The following PTPRK variants were observed in gnomAD, a reference collection of about 807,000 sequenced individuals.
PTPRK encodes protein tyrosine phosphatase receptor type K.
Under a neutral mutation model 178.0 loss-of-function variants are expected in PTPRK, and 75 were observed. The observed-to-expected ratio is 0.42, with a 90% CI of 0.35 to 0.51. PTPRK has a LOEUF of 0.51. PTPRK is among the 20% of genes least tolerant of loss of function. The pLI, the probability that PTPRK is intolerant of heterozygous loss-of-function variation, is 0.02. For missense variants in PTPRK, 1,441 were observed against 1,797.8 expected, an observed-to-expected ratio of 0.80 and a Z score of 3.59; for synonymous variants, 637 against 620.6, an observed-to-expected ratio of 1.03 and a Z score of -0.39.
chr6:128,071,928 A>G (rs909710818), intron 11 of PTPRK, among the ~76,000 whole-genome samples: 1 of 152,066 alleles, frequency 6.6e-6, no homozygotes, highest in Non-Finnish European at 1.5e-5. Flanking sequence ...AATTAATTAA[A>G]AGATGAAATA....
chr6:127,973,292 T>A, intron 28 of PTPRK, 135 bp from the exon 29 acceptor site: 1 of 1,419,344 alleles, frequency 7.0e-7, no homozygotes, highest in East Asian at 2.3e-5. Context: ...TTGCTTTATA[T>A]GTGTACAAGG....
chr6:128,292,040 T>C (rs1462256272), intron 3 of PTPRK, among the ~76,000 whole-genome samples: 1 of 152,046 alleles, frequency 6.6e-6, no homozygotes, highest in Non-Finnish European at 1.5e-5. Flanking sequence ...AAGATAAATA[T>C]GGCATTCTTT....
chr6:128,432,954 T>C (rs1845029241), intron 1 of PTPRK, among the ~76,000 whole-genome samples: 1 of 152,224 alleles, frequency 6.6e-6, no homozygotes, highest in Admixed American at 6.5e-5. Flanking sequence ...TATTTTATCC[T>C]TTATTCTTTA....
At chr6:128,025,614 C>T (rs1457866780) in intron 13 of PTPRK, among the ~76,000 whole-genome samples, 4 of 152,212 alleles carry the variant, frequency 2.6e-5, no homozygotes, top group African/African-American at 7.2e-5. Context: ...TATTCTCTTA[C>T]AGTTCTGGGA....
chr6:128,085,684 T>A (rs376040237), intron 8 of PTPRK, among the ~76,000 whole-genome samples: 1 of 152,236 alleles, frequency 6.6e-6, no homozygotes, highest in East Asian at 1.9e-4. Flanking sequence ...AATTGGGAAG[T>A]ACCTTCCCTA....
At chr6:128,442,190 G>A (rs2128400841) in intron 1 of PTPRK, among the ~76,000 whole-genome samples, 1 of 152,354 alleles carries the variant, frequency 6.6e-6, no homozygotes, top group East Asian at 1.9e-4. Context: ...CTGGAATGGA[G>A]TAAAGCAGGT....
intron 6 of PTPRK, among the ~76,000 whole-genome samples, chr6:128,205,328 G>A (rs973977848): frequency 6.6e-6 from 1 of 152,034 alleles, no homozygotes; most frequent in African/African-American, 2.4e-5. Flanking sequence ...TTAATACCTA[G>A]GTGATGGGAC....
chr6:128,063,807 C>A (rs1781284765), intron 13 of PTPRK, among the ~76,000 whole-genome samples: 1 of 152,108 alleles, frequency 6.6e-6, no homozygotes, highest in Non-Finnish European at 1.5e-5. Context: ...CCTTACAAAT[C>A]AGGAGTAAAG....
At chr6:128,084,158 G>T (rs1446685648) in intron 8 of PTPRK, among the ~76,000 whole-genome samples, 1 of 152,036 alleles carries the variant, frequency 6.6e-6, no homozygotes, top group Non-Finnish European at 1.5e-5. Flanking sequence ...GATCTTATTT[G>T]TAATTTGTTT....
chr6:128,061,541 AG>A (rs1780816624), intron 13 of PTPRK, among the ~76,000 whole-genome samples: 1 of 135,000 alleles, frequency 7.4e-6, no homozygotes, highest in Admixed American at 7.1e-5. Context: ...GACACTGGAA[AG>A]GGGGTGGGGG....
chr6:128,393,918 G>A (rs917806274), intron 2 of PTPRK, among the ~76,000 whole-genome samples: 3 of 151,862 alleles, frequency 2.0e-5, no homozygotes, highest in Non-Finnish European at 4.4e-5. Context: ...ACAGATTTCA[G>A]CACACCTCAA....
At chr6:128,324,045 C>T (rs1186681321) in intron 2 of PTPRK, among the ~76,000 whole-genome samples, 2 of 152,184 alleles carry the variant, frequency 1.3e-5, no homozygotes, top group East Asian at 1.9e-4. Flanking sequence ...TTCAGATTTG[C>T]CACTGCATAG....
chr6:128,288,753 C>T (rs1469350788), intron 3 of PTPRK, among the ~76,000 whole-genome samples: 4 of 152,006 alleles, frequency 2.6e-5, no homozygotes, highest in Non-Finnish European at 4.4e-5. Flanking sequence ...AATACTCTCC[C>T]CCTTCACACT....
intron 3 of PTPRK, among the ~76,000 whole-genome samples, chr6:128,243,426 G>C (rs996005607): frequency 6.8e-6 from 1 of 148,022 alleles, no homozygotes; most frequent in Non-Finnish European, 1.5e-5. Context: ...GGCTGAGGCA[G>C]GAGGAGTACT....
chr6:127,997,197 C>CA lies in PTPRK; in HGVS notation c.2680-210dup, dbSNP rs564134404. On this transcript the variant is annotated intron_variant, in intron 16 of 29. Coordinates refer to ENST00000368226, the MANE Select transcript of PTPRK (RefSeq NM_002844.4). ...AATTGGATTCAGGTCAAATTAAAGA[C>CA]AAAAAAATAACTTTAGAGAAAAAAA... 1.9e-3 allele frequency among the ~76,000 whole-genome samples: 289 copies of CA among 151,440 alleles called. 1 individual carries two copies. The highest frequency in any genetic ancestry group is 6.6e-3 in the African/African-American group (273 of 41,322).
rs944870871 is a variant in PTPRK, at chr6:128,266,172, C to T, written c.496-23570G>A. On this transcript the variant is annotated intron_variant, in intron 3 of 29. Transcript: ENST00000368226. ...CACACACATTTTCTTGCAGGAAGGA[C>T]GGCAGTAGGTTGTGGATACAGAACA... is the stretch of plus-strand genomic sequence containing the variant. 7.9e-5 allele frequency among the ~76,000 whole-genome samples: 12 copies of T among 152,054 alleles called. 1 individual carries two copies. Among genetic ancestry groups the T allele is most frequent in the African/African-American group, 2.7e-4 (11 of 41,394 alleles).
In PTPRK at chr6:127,978,077, T is replaced by A. The variant is rs374401201; in HGVS notation, c.3712-1023A>T. 1.5e-3 allele frequency among the ~76,000 whole-genome samples: 222 copies of A among 152,334 alleles called. 5 individuals are homozygous for A. In the South Asian group the frequency reaches 0.043, roughly 29 times the overall value. On this transcript the variant is annotated intron_variant, in intron 25 of 29. Transcript: ENST00000368226. ...TTGGGAAATGCTACCAACCATGGCA[T>A]TCAGCGTTGGCTGAAGACTGCAGGA...
intron 7 of PTPRK, among the ~76,000 whole-genome samples, chr6:128,136,631 T>C (rs907622318): frequency 2.0e-5 from 3 of 152,212 alleles, no homozygotes; most frequent in Non-Finnish European, 4.4e-5. Context: ...CAAAACACTG[T>C]AGATGCAGTT....
At chr6:128,225,747 C>G (rs981825780) in intron 5 of PTPRK, among the ~76,000 whole-genome samples, 2 of 151,462 alleles carry the variant, frequency 1.3e-5, no homozygotes, top group African/African-American at 4.9e-5. Flanking sequence ...AATTATTATA[C>G]TTATTTCATT....
Sources: gnomAD v4.1 joint callset for allele counts (sites outside exome capture counted in the v4.1 genomes callset) on GRCh38, gnomAD v4.1.1 for gene constraint, MANE v1.5 for transcripts, NCBI Gene and HGNC (gene_info 2026-07-23, HGNC 2026-07-21) for gene names.